Variants in ODAD2 observed in about 807,000 individuals in gnomAD.
The protein encoded by ODAD2 is outer dynein arm docking complex subunit 2.
ODAD2 carries 89 observed loss-of-function variants against 106.8 expected under a neutral mutation model. That is an observed-to-expected ratio of 0.83 (90% confidence interval 0.70 to 0.99). ODAD2 has a LOEUF of 0.99. ODAD2 is among the 50% of genes least tolerant of loss of function. The pLI, the probability that ODAD2 is intolerant of heterozygous loss-of-function variation, is 0.00. For missense variants in ODAD2, 1,168 were observed against 1,238.5 expected (o/e 0.94, Z 0.85); for synonymous variants, 404 against 436.2 (o/e 0.93, Z 0.92).
At chr10:27,934,613 C>A (rs993138710) in intron 16 of ODAD2, among the ~76,000 whole-genome samples, 1 of 151,996 alleles carries the variant, frequency 6.6e-6, no homozygotes, top group African/African-American at 2.4e-5. Flanking sequence ...ACAGTTCTTG[C>A]CAGGTGCTCA....
At chr10:27,943,245 AATT>A (rs1846580640) in intron 12 of ODAD2, among the ~76,000 whole-genome samples, 1 of 152,204 alleles carries the variant, frequency 6.6e-6, no homozygotes, top group Admixed American at 6.5e-5. Context: ...CTATTGAGAA[AATT>A]ATTTTTTCTG....
chr10:27,909,559 T>C (rs552910135), intron 16 of ODAD2, among the ~76,000 whole-genome samples: 1 of 152,244 alleles, frequency 6.6e-6, no homozygotes, highest in East Asian at 1.9e-4. Flanking sequence ...GACTCACACC[T>C]GTAATCCCAA....
chr10:27,970,721 T>G (rs1848790765), intron 8 of ODAD2, among the ~76,000 whole-genome samples: 1 of 152,134 alleles, frequency 6.6e-6, no homozygotes, highest in Non-Finnish European at 1.5e-5. Context: ...CCCAGCATTT[T>G]GGGAGGCTGA....
At chr10:27,851,686 C>G (rs1452462618) in intron 19 of ODAD2, among the ~76,000 whole-genome samples, 3 of 151,992 alleles carry the variant, frequency 2.0e-5, no homozygotes, top group Non-Finnish European at 4.4e-5. Flanking sequence ...AAACGTTTAC[C>G]TATATTTTCA....
chr10:27,867,058 G>C (rs1029119565), intron 17 of ODAD2, among the ~76,000 whole-genome samples: 8 of 151,964 alleles, frequency 5.3e-5, no homozygotes, highest in Non-Finnish European at 1.0e-4. Context: ...TTCTCCCTAT[G>C]AAAACAGTGC....
chr10:27,987,475 T>C lies in ODAD2; in HGVS notation c.293A>G (p.Gln98Arg). 2.5e-6 allele frequency: 4 copies of C among 1,613,962 alleles called. No individual in the cohort carries two copies. The highest frequency in any genetic ancestry group is 3.4e-6 in the Non-Finnish European group (4 of 1,179,896). Reference protein sequence around the residue: ...GQPLLFLSVPQIKIRSFGQLS... With the variant: ...GQPLLFLSVPRIKIRSFGQLS... ...CTGCCCAAAGCTCCTAATTTTAATT[T>C]GTGGTACAGAGAGAAATAGCAAAGG... The change falls in exon 3 of 20, where the codon CAA becomes CGA. Residue 98 changes from glutamine (Q) to arginine (R), a missense_variant. By Grantham distance (43) the Gln-to-Arg change is conservative. Around this residue, in one of 3 missense-constraint regions of ODAD2, gnomAD observed 430 missense variants for 452.2 expected, o/e 0.95. Transcript: ENST00000305242.
At chr10:27,977,465 G>C (rs546471251) in intron 7 of ODAD2, among the ~76,000 whole-genome samples, 133 of 151,886 alleles carry the variant, frequency 8.8e-4, no homozygotes, top group African/African-American at 3.2e-3. Context: ...TACTTGGGAA[G>C]CTGAGGCAGG....
intron 17 of ODAD2, among the ~76,000 whole-genome samples, chr10:27,880,269 A>G (rs1412887823): frequency 6.6e-6 from 1 of 152,208 alleles, no homozygotes; most frequent in Non-Finnish European, 1.5e-5. Flanking sequence ...TATAAATTTC[A>G]CCTTGTGAAA....
intron 19 of ODAD2, among the ~76,000 whole-genome samples, chr10:27,844,086 T>C (rs941580084): frequency 6.6e-6 from 1 of 152,108 alleles, no homozygotes; most frequent in African/African-American, 2.4e-5. Context: ...CAGTCCCAGC[T>C]ACTGGGGAGG....
At chr10:27,988,801 C>A (rs1850040632) in intron 2 of ODAD2, among the ~76,000 whole-genome samples, 1 of 152,114 alleles carries the variant, frequency 6.6e-6, no homozygotes, top group Admixed American at 6.5e-5. Flanking sequence ...ATGTTCACAT[C>A]TGAATCCCCA....
chr10:27,885,294 G>A (rs559856856), intron 17 of ODAD2, among the ~76,000 whole-genome samples: 23 of 150,178 alleles, frequency 1.5e-4, no homozygotes, highest in Middle Eastern at 3.4e-3. Context: ...GGCAGATCAC[G>A]AGATCAAGAG....
Position 27,944,925 on chromosome 10 carries a change from G to C in ODAD2, c.1424C>G (p.Ser475Ter), listed in dbSNP as rs759966765. Reference sequence around the variant, plus strand: ...TTGAGCTAAGCTGAAATCCCTCATTGAACACAACGCAATCACTGTAGCTGT... The same window carrying C: ...TTGAGCTAAGCTGAAATCCCTCATTCAACACAACGCAATCACTGTAGCTGT... ...NQTATVIALCSMRDFSLAQET... is the reference protein window; with the variant it reads ...NQTATVIALC The change falls in exon 11 of 20, where the codon TCA becomes TGA. Residue 475 changes from serine to a stop codon, truncating the protein, a stop_gained. Transcript: ENST00000305242. LOFTEE classifies it high-confidence loss of function. The C allele has an allele frequency of 4.0e-5, 64 of 1,614,010 alleles. No homozygotes were observed. Among genetic ancestry groups the C allele is most frequent in the Non-Finnish European group, 5.3e-5 (63 of 1,180,006 alleles).
At chr10:27,939,470 C>A (rs988868788) in intron 14 of ODAD2, among the ~76,000 whole-genome samples, 6 of 152,084 alleles carry the variant, frequency 3.9e-5, no homozygotes, top group African/African-American at 1.4e-4. Context: ...AATCCCAGCA[C>A]TTTGGGAGGC....
intron 16 of ODAD2, among the ~76,000 whole-genome samples, chr10:27,934,637 G>A (rs1564519536): frequency 6.6e-6 from 1 of 152,000 alleles, no homozygotes; most frequent in East Asian, 1.9e-4. Flanking sequence ...TACATTTGCT[G>A]AATAGGTGAG....
At chr10:27,823,372 AT>A (rs1293054918) in intron 19 of ODAD2, among the ~76,000 whole-genome samples, 3 of 151,526 alleles carry the variant, frequency 2.0e-5, no homozygotes, top group African/African-American at 4.9e-5. Flanking sequence ...CTGGAAAAAA[AT>A]ATTCCCATAG....
intron 19 of ODAD2, among the ~76,000 whole-genome samples, chr10:27,835,526 T>C (rs1025026320): frequency 4.6e-5 from 7 of 152,136 alleles, no homozygotes; most frequent in African/African-American, 1.7e-4. Flanking sequence ...CACGCCCTCA[T>C]ACAGTCAAAA....
intron 17 of ODAD2, among the ~76,000 whole-genome samples, chr10:27,906,754 A>G (rs1843619368): frequency 6.6e-6 from 1 of 152,162 alleles, no homozygotes; most frequent in Non-Finnish European, 1.5e-5. Flanking sequence ...TCAGCAAACT[A>G]ATACAGGAAC....
intron 19 of ODAD2, among the ~76,000 whole-genome samples, chr10:27,848,741 G>A (rs1466031329): frequency 6.6e-6 from 1 of 152,172 alleles, no homozygotes; most frequent in African/African-American, 2.4e-5. Context: ...AGTGGGCAAA[G>A]GATATGAACA....
At chr10:27,855,872 T>A (rs1839618023) in intron 19 of ODAD2, among the ~76,000 whole-genome samples, 2 of 152,194 alleles carry the variant, frequency 1.3e-5, no homozygotes, top group South Asian at 4.1e-4. Flanking sequence ...CAGAAAGTTA[T>A]AAGCCATGAT....
Sources: gnomAD v4.1 joint callset for allele counts (sites outside exome capture counted in the v4.1 genomes callset) on GRCh38, gnomAD v4.1.1 for gene constraint, gnomAD v4.1.1 regional missense constraint, MANE v1.5 for transcripts, NCBI Gene and HGNC (gene_info 2026-07-23, HGNC 2026-07-21) for gene names.